The following TYW1 variants were observed in gnomAD, a reference collection of about 807,000 sequenced individuals.
TYW1 encodes tRNA-yW synthesizing protein 1 homolog.
A neutral mutation model predicts 96.2 loss-of-function variants in TYW1; 46 were observed. The observed-to-expected ratio is 0.48, with a 90% CI of 0.38 to 0.61. The LOEUF is 0.61. Among genes scored for constraint, TYW1 ranks in the 20% least tolerant of loss-of-function variants. The pLI, the probability that TYW1 is intolerant of heterozygous loss-of-function variation, is 0.00. For missense variants in TYW1, 684 were observed against 909.6 expected, an observed-to-expected ratio of 0.75 and a Z score of 3.19; for synonymous variants, 274 against 323.0, an observed-to-expected ratio of 0.85 and a Z score of 1.63.
chr7:67,094,073 C>T (rs1796808623), intron 11 of TYW1, among the ~76,000 whole-genome samples: 1 of 152,018 alleles, frequency 6.6e-6, no homozygotes, highest in Non-Finnish European at 1.5e-5. Flanking sequence ...TGGTTAGTTC[C>T]CACTTAAAAG....
chr7:67,172,610 A>G (rs1390916649), intron 13 of TYW1, among the ~76,000 whole-genome samples: 3 of 151,798 alleles, frequency 2.0e-5, no homozygotes, highest in Non-Finnish European at 4.4e-5. Context: ...TTTAGTAGAA[A>G]CTGCATTTCA....
chr7:67,091,967 G>A lies in TYW1; in HGVS notation c.1385-6574G>A, dbSNP rs955031991. On this transcript the variant is annotated intron_variant, in intron 11 of 15. Coordinates refer to ENST00000359626, the MANE Select transcript of TYW1 (RefSeq NM_018264.4). ...TGCTTCTAGGTTTCCTCCTGTCCTC[G>A]TGGCTGCTCTGTGGTAGTGCCCTTT... is the stretch of plus-strand genomic sequence containing the variant. Among the ~76,000 whole-genome samples, 6 of 152,232 alleles carry A rather than the reference G, an allele frequency of 3.9e-5. No individual in the cohort carries two copies. The South Asian group carries it at 6.2e-4, about 16-fold the overall frequency.
chr7:67,123,701 C>T (rs563642477), intron 13 of TYW1, among the ~76,000 whole-genome samples: 5 of 152,238 alleles, frequency 3.3e-5, no homozygotes, highest in South Asian at 2.1e-4. Context: ...AGGGAGTCTG[C>T]GGGTGTTGAA....
chr7:67,099,446 T>C (rs1335568082), intron 12 of TYW1, among the ~76,000 whole-genome samples: 3 of 152,202 alleles, frequency 2.0e-5, no homozygotes, highest in African/African-American at 7.2e-5. Flanking sequence ...ATAACCATTA[T>C]ATAAGTGTAG....
At chr7:67,093,615 G>T in intron 11 of TYW1, among the ~76,000 whole-genome samples, 1 of 152,144 alleles carries the variant, frequency 6.6e-6, no homozygotes, top group African/African-American at 2.4e-5. Flanking sequence ...TGGCAACGTA[G>T]AATGAGCTTA....
intron 14 of TYW1, among the ~76,000 whole-genome samples, chr7:67,186,677 G>A (rs192425824): frequency 0.022 from 3,397 of 151,954 alleles, 55 homozygotes; most frequent in African/African-American, 0.077. Context: ...TGTATTTATA[G>A]AAATGGGGTC....
chr7:67,227,536 C>T lies in TYW1; in HGVS notation c.1978-10772C>T, dbSNP rs534997675. On this transcript the variant is annotated intron_variant, in intron 15 of 15. Transcript: ENST00000359626. ...CTGCCCAAAGTGCTGGGATTACAGG[C>T]GTGAGCCACCAAACCCGGCCCCCAC... is the stretch of plus-strand genomic sequence containing the variant. Among the ~76,000 whole-genome samples, 22 of 152,248 alleles carry T rather than the reference C, an allele frequency of 1.4e-4. No homozygotes were observed. The East Asian group carries it at 2.5e-3, about 17-fold the overall frequency.
chr7:67,084,757 C>T (rs1356338871), intron 11 of TYW1, among the ~76,000 whole-genome samples: 1 of 152,128 alleles, frequency 6.6e-6, no homozygotes, highest in Non-Finnish European at 1.5e-5. Context: ...TCAAGCCATC[C>T]ACCCACTTTG....
At chr7:67,166,321 A>ATGT (rs1799322161) in intron 13 of TYW1, among the ~76,000 whole-genome samples, 1 of 141,520 alleles carries the variant, frequency 7.1e-6, no homozygotes, top group Non-Finnish European at 1.5e-5. Context: ...TATATAATAT[A>ATGT]TAACATATAT....
chr7:67,071,308 T>C (rs1345291499), intron 10 of TYW1, among the ~76,000 whole-genome samples: 1 of 151,756 alleles, frequency 6.6e-6, no homozygotes, highest in African/African-American at 2.4e-5. Context: ...ATCTCTGAAG[T>C]CTGTGTCTTA....
intron 15 of TYW1, among the ~76,000 whole-genome samples, chr7:67,215,178 G>A (rs1420569549): frequency 6.6e-6 from 1 of 150,828 alleles, no homozygotes; most frequent in African/African-American, 2.5e-5. Flanking sequence ...CTGTCTGTCT[G>A]TCTTCCTCCA....
chr7:67,189,760 A>G (rs958900747), intron 14 of TYW1, among the ~76,000 whole-genome samples: 8 of 152,322 alleles, frequency 5.3e-5, no homozygotes, highest in African/African-American at 1.4e-4. Flanking sequence ...AACAAAATCA[A>G]TAGAGGCTAT....
At chr7:67,179,768 T>A (rs980829421) in intron 13 of TYW1, among the ~76,000 whole-genome samples, 7 of 144,394 alleles carry the variant, frequency 4.8e-5, no homozygotes, top group Admixed American at 7.1e-5. Flanking sequence ...TCCATGTAGA[T>A]GGGTTTTTGT....
At chr7:67,139,555 A>G (rs56084026) in intron 13 of TYW1, among the ~76,000 whole-genome samples, 9,882 of 151,914 alleles carry the variant, frequency 0.065, 386 homozygotes, top group East Asian at 0.14. Context: ...TACAGTTACC[A>G]TCCTGCAGTT....
intron 14 of TYW1, among the ~76,000 whole-genome samples, chr7:67,190,513 C>T (rs1332169126): frequency 2.0e-5 from 3 of 152,126 alleles, no homozygotes; most frequent in Admixed American, 6.5e-5. Context: ...GGTCAGATAG[C>T]GTAGAGGTTC....
At chr7:67,233,292 A>G (rs1411421219) in intron 15 of TYW1, among the ~76,000 whole-genome samples, 1 of 136,228 alleles carries the variant, frequency 7.3e-6, no homozygotes, top group East Asian at 2.0e-4. Flanking sequence ...ACCATCTTTA[A>G]TAGAATCTTT....
intron 12 of TYW1, among the ~76,000 whole-genome samples, chr7:67,103,657 G>T (rs942563195): frequency 2.0e-5 from 3 of 152,168 alleles, no homozygotes; most frequent in African/African-American, 7.2e-5. Flanking sequence ...GTGAATAGGA[G>T]GAATCAAAAT....
chr7:67,070,012 AGACT>A (rs1420070090), intron 10 of TYW1, among the ~76,000 whole-genome samples: 1 of 152,234 alleles, frequency 6.6e-6, no homozygotes, highest in African/African-American at 2.4e-5. Flanking sequence ...ATAGAAATCT[AGACT>A]GACAGTTTTT....
intron 7 of TYW1, among the ~76,000 whole-genome samples, chr7:67,048,441 A>G (rs1359842059): frequency 6.6e-6 from 1 of 150,450 alleles, no homozygotes; most frequent in Non-Finnish European, 1.5e-5. Flanking sequence ...TTTGATGAGT[A>G]TCTCCCCTAA....
Sources: allele counts gnomAD v4.1 joint callset (sites outside exome capture counted in the v4.1 genomes callset), GRCh38; gene constraint gnomAD v4.1.1; transcripts MANE v1.5; gene names NCBI Gene and HGNC (gene_info 2026-07-23, HGNC 2026-07-21).